CYRIB: variants seen among roughly 807,000 people sequenced by gnomAD.
CYRIB encodes the protein CYFIP-related Rac1 interactor B.
Under a neutral mutation model 44.2 loss-of-function variants are expected in CYRIB, and 8 were observed. The ratio of observed to expected loss-of-function variants is 0.18; its 90% CI spans 0.11 to 0.33. The LOEUF (loss-of-function observed/expected upper bound fraction) is 0.33. Among genes scored for constraint, CYRIB ranks in the 10% least tolerant of loss-of-function variants. The pLI is 1.00. For synonymous variants in CYRIB, 131 were observed against 127.2 expected (o/e 1.03, Z -0.20); for missense variants, 185 against 382.8 (o/e 0.48, Z 4.31).
chr8:129,940,164 G>C (rs1312372751), upstream of CYRIB, among the ~76,000 whole-genome samples: 1 of 152,222 alleles, frequency 6.6e-6, no homozygotes, highest in Non-Finnish European at 1.5e-5. Flanking sequence ...AGAGGTGGCG[G>C]TGACCTGCCT....
chr8:129,961,736 G>T (rs2095266619), intron 2 of CYRIB, among the ~76,000 whole-genome samples: 1 of 152,122 alleles, frequency 6.6e-6, no homozygotes, highest in African/African-American at 2.4e-5. Context: ...ATGAAATCAA[G>T]ATCTCAGAAG....
At chr8:129,881,284 G>A (rs926946252) in intron 2 of CYRIB, among the ~76,000 whole-genome samples, 1 of 152,144 alleles carries the variant, frequency 6.6e-6, no homozygotes, top group Non-Finnish European at 1.5e-5. Flanking sequence ...GCAAACTATG[G>A]TATCACGGCT....
intron 2 of CYRIB, among the ~76,000 whole-genome samples, chr8:129,888,965 C>T (rs1045896179): frequency 2.0e-5 from 3 of 151,964 alleles, no homozygotes; most frequent in South Asian, 2.1e-4. Context: ...GGGTGGCAGG[C>T]GCCTGTAATC....
intron 1 of CYRIB, among the ~76,000 whole-genome samples, chr8:129,907,252 G>GAAT (rs2075882328): frequency 6.6e-6 from 1 of 152,180 alleles, no homozygotes; most frequent in South Asian, 2.1e-4. Context: ...ATACACCATG[G>GAAT]AATACTATGC....
chr8:129,859,978 C>T (rs2048481936), intron 5 of CYRIB, among the ~76,000 whole-genome samples: 1 of 152,150 alleles, frequency 6.6e-6, no homozygotes, highest in Non-Finnish European at 1.5e-5. Context: ...GCAGGTAATC[C>T]TTGCCCTGTC....
chr8:130,004,914 G>A (rs768849134), intron 1 of CYRIB, among the ~76,000 whole-genome samples: 3 of 151,704 alleles, frequency 2.0e-5, no homozygotes, highest in Non-Finnish European at 2.9e-5. Context: ...TTACAGGCAC[G>A]TGCCACCACA....
intron 4 of CYRIB, among the ~76,000 whole-genome samples, chr8:129,863,524 TAAA>T (rs768283158): frequency 7.3e-6 from 1 of 137,736 alleles, no homozygotes. Context: ...GACTCTGTCT[TAAA>T]AAAAAAAAAA....
chr8:129,939,837 A>T (rs2093496584), upstream of CYRIB: 1 of 152,108 alleles, frequency 6.6e-6, no homozygotes, highest in Non-Finnish European at 1.5e-5. Flanking sequence ...AACGACGGGG[A>T]GGGGGAGGAG....
Position 129,952,987 on chromosome 8 carries a change from A to T in CYRIB, c.-243+17956T>A, listed in dbSNP as rs139566001. ...CTTCATTCCGAACCTTCTGTTGATC[A>T]GCTGCTTTGGAGGCAAGAAGAAAGA... On this transcript the variant is annotated intron_variant, in intron 2 of 14. Transcript: ENST00000401979. Among the ~76,000 whole-genome samples the T allele has an allele frequency of 4.6e-4, 70 of 152,290 alleles. No individual in the cohort carries two copies. The South Asian group carries it at 0.01, about 22-fold the overall frequency.
intron 1 of CYRIB, among the ~76,000 whole-genome samples, chr8:129,937,774 G>C (rs999643064): frequency 2.6e-5 from 4 of 152,012 alleles, no homozygotes; most frequent in African/African-American, 9.7e-5. Flanking sequence ...ATATATCCTA[G>C]AACATTTTAC....
intron 1 of CYRIB, among the ~76,000 whole-genome samples, chr8:130,012,082 T>C (rs1296643499): frequency 1.3e-5 from 2 of 152,076 alleles, no homozygotes; most frequent in African/African-American, 2.4e-5. Context: ...TAAATATTTA[T>C]AAAAATCACT....
intron 1 of CYRIB, among the ~76,000 whole-genome samples, chr8:129,978,001 G>A (rs768751489): frequency 4.6e-5 from 7 of 152,120 alleles, no homozygotes; most frequent in Non-Finnish European, 4.4e-5. Flanking sequence ...CTCGAACTCC[G>A]GGGCTCAACA....
intron 2 of CYRIB, among the ~76,000 whole-genome samples, chr8:129,900,446 C>T (rs1039783559): frequency 7.9e-5 from 12 of 152,180 alleles, no homozygotes; most frequent in African/African-American, 2.9e-4. Flanking sequence ...GCTGGGCAAA[C>T]ACTGGGATTC....
chr8:129,919,327 C>T (rs2082334476), intron 1 of CYRIB, among the ~76,000 whole-genome samples: 1 of 152,184 alleles, frequency 6.6e-6, no homozygotes, highest in South Asian at 2.1e-4. Context: ...ATGAAAAATA[C>T]TTTTGTCACA....
At chr8:129,899,123 C>T (rs2070025351) in intron 2 of CYRIB, among the ~76,000 whole-genome samples, 1 of 152,150 alleles carries the variant, frequency 6.6e-6, no homozygotes, top group African/African-American at 2.4e-5. Context: ...GCCTCAGCCT[C>T]CAAAGTACTG....
intron 3 of CYRIB, among the ~76,000 whole-genome samples, chr8:129,874,196 CA>C (rs1448518574): frequency 6.6e-6 from 1 of 151,596 alleles, no homozygotes; most frequent in Non-Finnish European, 1.5e-5. Flanking sequence ...AAAGGACATG[CA>C]AAATTGCAAA....
chr8:129,915,295 T>C (rs2080137457), intron 1 of CYRIB, among the ~76,000 whole-genome samples: 1 of 152,200 alleles, frequency 6.6e-6, no homozygotes, highest in Admixed American at 6.5e-5. Flanking sequence ...GCTAGAATAC[T>C]ATTCAGCAAT....
intron 2 of CYRIB, among the ~76,000 whole-genome samples, chr8:129,962,968 A>G (rs2095330985): frequency 6.6e-6 from 1 of 152,170 alleles, no homozygotes; most frequent in Non-Finnish European, 1.5e-5. Context: ...AGGGCATTTG[A>G]TCCAAGATGG....
At chr8:129,849,147 T>G in intron 10 of CYRIB, 96 bp downstream of exon 12, 3 of 1,194,284 alleles carry the variant, frequency 2.5e-6, no homozygotes, top group Non-Finnish European at 3.5e-6. Context: ...CTGAGTTTTG[T>G]GAGAGTCCGG....
Sources: gnomAD v4.1 joint callset for allele counts (sites outside exome capture counted in the v4.1 genomes callset) on GRCh38, gnomAD v4.1.1 for gene constraint, MANE v1.5 for transcripts, NCBI Gene and HGNC (gene_info 2026-07-23, HGNC 2026-07-21) for gene names.